FOXP1: variants seen among roughly 807,000 people sequenced by gnomAD.
The protein encoded by FOXP1 is forkhead box P1.
A neutral mutation model predicts 98.2 loss-of-function variants in FOXP1; 15 were observed. The ratio of observed to expected loss-of-function variants is 0.15; its 90% CI spans 0.10 to 0.24. FOXP1 has a LOEUF of 0.24. Ranked by LOEUF, FOXP1 falls within the 10% of genes least tolerant of loss-of-function variation. The pLI is 1.00. For synonymous variants in FOXP1, 371 were observed against 314.5 expected (o/e 1.18, Z -1.90); for missense variants, 633 against 848.5 (o/e 0.75, Z 3.15).
intron 7 of FOXP1, among the ~76,000 whole-genome samples, chr3:71,100,736 T>C (rs1190648486): frequency 6.6e-6 from 1 of 152,224 alleles, no homozygotes. Flanking sequence ...TGTTATCAAA[T>C]GGACTGCACT....
At chr3:71,448,160 T>C (rs2086622490) in intron 3 of FOXP1, among the ~76,000 whole-genome samples, 1 of 152,142 alleles carries the variant, frequency 6.6e-6, no homozygotes, top group African/African-American at 2.4e-5. Flanking sequence ...ATTTCAATCT[T>C]AGTGACTGAC....
intron 9 of FOXP1, among the ~76,000 whole-genome samples, chr3:71,052,006 T>C (rs1261858943): frequency 2.0e-5 from 3 of 152,226 alleles, no homozygotes; most frequent in Non-Finnish European, 4.4e-5. Context: ...CTCTGGCACA[T>C]GCCTTTAGCA....
At chr3:71,283,893 T>C (rs998347727) in intron 5 of FOXP1, among the ~76,000 whole-genome samples, 5 of 152,164 alleles carry the variant, frequency 3.3e-5, no homozygotes, top group South Asian at 2.1e-4. Flanking sequence ...ACTGGTATAG[T>C]GGCCTCCCAA....
intron 3 of FOXP1, among the ~76,000 whole-genome samples, chr3:71,370,659 G>GT (rs999290028): frequency 1.1e-4 from 16 of 152,110 alleles, no homozygotes; most frequent in African/African-American, 3.9e-4. Flanking sequence ...TGCATTTGTA[G>GT]TAAGTCCCAA....
At chr3:71,568,848 T>C (rs1394372080) in intron 2 of FOXP1, among the ~76,000 whole-genome samples, 1 of 152,294 alleles carries the variant, frequency 6.6e-6, no homozygotes, top group Non-Finnish European at 1.5e-5. Flanking sequence ...GTTTTCACCA[T>C]GTTGGCCAGG....
At chr3:71,316,802 C>CGCCT (rs373244654) in intron 4 of FOXP1, among the ~76,000 whole-genome samples, 43 of 152,008 alleles carry the variant, frequency 2.8e-4, no homozygotes, top group African/African-American at 1.0e-3. Flanking sequence ...GGACTACAGG[C>CGCCT]GCCTGCCACC....
At chr3:71,475,719 G>A (rs987879067) in intron 3 of FOXP1, among the ~76,000 whole-genome samples, 1 of 152,100 alleles carries the variant, frequency 6.6e-6, no homozygotes, top group Admixed American at 6.5e-5. Context: ...CTGTGCACCT[G>A]TAATCCCAGC....
In FOXP1 at chr3:71,198,246, T is replaced by C. The variant is rs2063420740; in HGVS notation, c.136A>G (p.Ile46Val). 6.2e-7 allele frequency: 1 copy of C among 1,614,146 alleles called. No individual in the cohort carries two copies. The highest frequency in any genetic ancestry group is 1.3e-5 in the African/African-American group (1 of 75,068). ...RSNGETPAVD[I>V]GAADLAHAQQ... ...GCGTGGGCGAGGTCAGCTGCCCCGA[T>C]GTCCACGGCCGGCGTCTCTCCGTTG... The change falls in exon 6 of 21, where the codon ATC becomes GTC. Residue 46 changes from isoleucine to valine, a missense_variant. By Grantham distance (29) the Ile-to-Val change is conservative. Coordinates refer to ENST00000649528, the MANE Select transcript of FOXP1 (RefSeq NM_001349338.3).
At chr3:71,139,177 G>A (rs2059953642) in intron 6 of FOXP1, among the ~76,000 whole-genome samples, 1 of 152,136 alleles carries the variant, frequency 6.6e-6, no homozygotes, top group East Asian at 1.9e-4. Context: ...GAGATACGGA[G>A]CCAGTTGTCT....
intron 5 of FOXP1, among the ~76,000 whole-genome samples, chr3:71,272,423 T>G (rs1434188533): frequency 6.6e-6 from 1 of 152,160 alleles, no homozygotes; most frequent in Non-Finnish European, 1.5e-5. Context: ...CTTACCATAT[T>G]GCTCCCATGG....
chr3:71,115,628 C>T (rs556045353), intron 6 of FOXP1, among the ~76,000 whole-genome samples: 59 of 152,012 alleles, frequency 3.9e-4, no homozygotes, highest in Admixed American at 7.9e-4. Flanking sequence ...TGAGCCACTG[C>T]ACCCAGTCTC....
chr3:70,971,907 G>A (rs1388034109), intron 18 of FOXP1: 19 of 862,200 alleles, frequency 2.2e-5, no homozygotes, highest in African/African-American at 3.5e-5. Context: ...GCAGAAAGCT[G>A]TGGCACTGCT....
chr3:71,116,393 G>A (rs933682982), intron 6 of FOXP1, among the ~76,000 whole-genome samples: 1 of 152,094 alleles, frequency 6.6e-6, no homozygotes, highest in African/African-American at 2.4e-5. Context: ...AACTGCAGCC[G>A]ACCTACTGAA....
intron 3 of FOXP1, among the ~76,000 whole-genome samples, chr3:71,371,709 AG>A (rs1024745833): frequency 6.6e-6 from 1 of 152,164 alleles, no homozygotes; most frequent in Non-Finnish European, 1.5e-5. Context: ...GGATCATCTG[AG>A]CCCAGGAATT....
chr3:71,072,428 G>C (rs190837409), intron 7 of FOXP1, among the ~76,000 whole-genome samples: 1 of 152,208 alleles, frequency 6.6e-6, no homozygotes, highest in Non-Finnish European at 1.5e-5. Context: ...CATGTCTACA[G>C]TGAGTCAGGG....
intron 3 of FOXP1, among the ~76,000 whole-genome samples, chr3:71,467,214 TATAC>T (rs992279794): frequency 6.6e-5 from 10 of 152,198 alleles, no homozygotes; most frequent in Non-Finnish European, 1.0e-4. Flanking sequence ...CATACATATA[TATAC>T]ACATACATAT....
At chr3:71,569,928 G>A (rs186374323) in intron 2 of FOXP1, among the ~76,000 whole-genome samples, 74 of 152,110 alleles carry the variant, frequency 4.9e-4, no homozygotes, top group Middle Eastern at 3.4e-3. Context: ...GACTACAGGC[G>A]CCAGCCACCA....
At chr3:71,426,118 C>G (rs1391288774) in intron 3 of FOXP1, among the ~76,000 whole-genome samples, 1 of 152,160 alleles carries the variant, frequency 6.6e-6, no homozygotes, top group African/African-American at 2.4e-5. Flanking sequence ...ATGGTGATAC[C>G]TCTTGACCTA....
At chr3:71,052,046 GT>G (rs1383971740) in intron 9 of FOXP1, among the ~76,000 whole-genome samples, 11 of 152,168 alleles carry the variant, frequency 7.2e-5, no homozygotes, top group Non-Finnish European at 1.6e-4. Flanking sequence ...GCAGGAAGAA[GT>G]TAAACAAAAG....
Sources: gnomAD v4.1 joint callset for allele counts (sites outside exome capture counted in the v4.1 genomes callset) on GRCh38, gnomAD v4.1.1 for gene constraint, MANE v1.5 for transcripts, NCBI Gene and HGNC (gene_info 2026-07-23, HGNC 2026-07-21) for gene names.